Variants in MAGI1 observed in about 807,000 individuals in gnomAD.
The protein encoded by MAGI1 is membrane associated guanylate kinase, WW and PDZ domain containing 1.
Under a neutral mutation model 139.9 loss-of-function variants are expected in MAGI1, and 58 were observed. The ratio of observed to expected loss-of-function variants is 0.41; its 90% confidence interval spans 0.34 to 0.52. MAGI1 has a LOEUF of 0.52. Among genes scored for constraint, MAGI1 ranks in the 20% least tolerant of loss-of-function variants. The probability of loss-of-function intolerance (pLI) is 0.12; values close to 1 mark genes in which losing one functional copy is unlikely to be tolerated. For synonymous variants in MAGI1, 812 were observed against 737.9 expected, an observed-to-expected ratio of 1.10 and a Z score of -1.63; for missense variants, 1,874 against 1,901.6, an observed-to-expected ratio of 0.99 and a Z score of 0.27.
intron 2 of MAGI1, chr3:65,532,911 G>T (rs1315855533): frequency 1.3e-5 from 2 of 152,228 alleles, no homozygotes; most frequent in Admixed American, 6.5e-5. Context: ...AACGTTAGGG[G>T]TGTCGCTGGT....
chr3:66,024,583 G>T (rs1440363021), intron 1 of MAGI1, among the ~76,000 whole-genome samples: 1 of 152,164 alleles, frequency 6.6e-6, no homozygotes, highest in African/African-American at 2.4e-5. Context: ...AAGGTGGGCG[G>T]ATCACCTGAG....
chr3:66,031,822 G>A (rs1320997417), intron 1 of MAGI1, among the ~76,000 whole-genome samples: 3 of 151,142 alleles, frequency 2.0e-5, no homozygotes, highest in Non-Finnish European at 4.4e-5. Context: ...GCAAGAAAAC[G>A]GAGGGAAAGA....
At chr3:65,671,598 C>A (rs1370371811) in intron 1 of MAGI1, among the ~76,000 whole-genome samples, 1 of 152,186 alleles carries the variant, frequency 6.6e-6, no homozygotes, top group African/African-American at 2.4e-5. Flanking sequence ...AGTCTTATCA[C>A]TGATTCAGAG....
rs150977439 is a variant in MAGI1 at position 65,521,699 on chromosome 3, T to C, written c.431-28068A>G. ...GTAATAAATGTTATACTCTTTGCCATACATTAATGAGTCATTTCAGGCCCA... is the reference window on the plus strand; with the variant it reads ...GTAATAAATGTTATACTCTTTGCCACACATTAATGAGTCATTTCAGGCCCA... On this transcript the variant is annotated intron_variant, in intron 2 of 22. Coordinates refer to ENST00000402939, the MANE Select transcript of MAGI1 (RefSeq NM_001033057.2). Among the ~76,000 whole-genome samples the C allele has an allele frequency of 7.2e-3, 1,102 of 152,302 alleles. 8 individuals are homozygous for C. Among genetic ancestry groups the C allele is most frequent in the Non-Finnish European group, 0.011 (755 of 68,020 alleles).
At chr3:66,037,854 T>G in intron 1 of MAGI1, 142 bp downstream of exon 1, 1 of 1,411,730 alleles carries the variant, frequency 7.1e-7, no homozygotes, top group African/African-American at 1.4e-5. Flanking sequence ...ACTTTGTGTA[T>G]TTCACCGCCA....
At position 65,826,717 on chromosome 3, in the gene MAGI1, G is replaced by A. The variant is rs564656575; in HGVS notation, c.314-204629C>T. Among the ~76,000 whole-genome samples, 6 of 152,164 alleles carry A rather than the reference G, an allele frequency of 3.9e-5. No individual in the cohort carries two copies. In the East Asian group the frequency reaches 7.7e-4, roughly 20 times the overall value. ...AAGGGCACTGTATTGAGACATCAAC[G>A]CTTTTGCAATTAGGATATGCTAACC... is the stretch of plus-strand genomic sequence containing the variant. On this transcript the variant is annotated intron_variant, in intron 1 of 22. Transcript: ENST00000402939.
intron 1 of MAGI1, among the ~76,000 whole-genome samples, chr3:65,821,100 G>A (rs542832733): frequency 2.6e-5 from 4 of 151,984 alleles, no homozygotes; most frequent in African/African-American, 9.6e-5. Context: ...GAAGACAGGT[G>A]CATGGGTGCT....
At chr3:65,832,185 T>G (rs1172904973) in intron 1 of MAGI1, among the ~76,000 whole-genome samples, 3 of 152,190 alleles carry the variant, frequency 2.0e-5, no homozygotes, top group Non-Finnish European at 2.9e-5. Context: ...TAAATCACAG[T>G]GCAGATCCAC....
intron 3 of MAGI1, among the ~76,000 whole-genome samples, chr3:65,480,970 C>T (rs1231514758): frequency 6.6e-6 from 1 of 152,058 alleles, no homozygotes; most frequent in African/African-American, 2.4e-5. Context: ...GAGATACACA[C>T]CCACTTTCTT....
intron 2 of MAGI1, among the ~76,000 whole-genome samples, chr3:65,572,704 C>T (rs1002018145): frequency 2.0e-5 from 3 of 151,908 alleles, no homozygotes; most frequent in African/African-American, 7.3e-5. Context: ...CCTTTATTAT[C>T]CTTATTATCC....
intron 2 of MAGI1, among the ~76,000 whole-genome samples, chr3:65,607,282 T>C (rs1003109048): frequency 6.6e-6 from 1 of 151,754 alleles, no homozygotes; most frequent in African/African-American, 2.4e-5. Context: ...TCTCCTGACT[T>C]TCCCCTTCCT....
At chr3:65,458,238 G>A (rs965002758) in intron 5 of MAGI1, among the ~76,000 whole-genome samples, 2 of 151,974 alleles carry the variant, frequency 1.3e-5, no homozygotes, top group Admixed American at 6.5e-5. Flanking sequence ...CATGACTATG[G>A]CGAATAGTCC....
chr3:65,912,118 T>C (rs772445912), intron 1 of MAGI1, among the ~76,000 whole-genome samples: 5 of 151,876 alleles, frequency 3.3e-5, no homozygotes, highest in African/African-American at 1.2e-4. Context: ...ATCTCTCGAG[T>C]CTAGATATGA....
chr3:65,872,848 G>A (rs570758495), intron 1 of MAGI1: 10 of 152,280 alleles, frequency 6.6e-5, no homozygotes, highest in African/African-American at 2.4e-4. Flanking sequence ...TGAAGTTCAT[G>A]AGCAGGCAAA....
chr3:65,984,229 G>A (rs1057095186), intron 1 of MAGI1, among the ~76,000 whole-genome samples: 1 of 152,192 alleles, frequency 6.6e-6, no homozygotes, highest in African/African-American at 2.4e-5. Context: ...AGGAGGCAGA[G>A]GTTGCAGTGA....
chr3:65,864,039 T>C (rs1223403124), intron 1 of MAGI1, among the ~76,000 whole-genome samples: 2 of 152,160 alleles, frequency 1.3e-5, no homozygotes, highest in Non-Finnish European at 2.9e-5. Flanking sequence ...ATTTCTCTTT[T>C]TTATTTGTAA....
chr3:65,374,114 T>C (rs1942267721), intron 18 of MAGI1, among the ~76,000 whole-genome samples: 2 of 152,122 alleles, frequency 1.3e-5, no homozygotes, highest in African/African-American at 4.8e-5. Flanking sequence ...CTTCATAAAC[T>C]AGATTTTTTC....
At chr3:65,810,028 C>G (rs532325021) in intron 1 of MAGI1, among the ~76,000 whole-genome samples, 1 of 151,946 alleles carries the variant, frequency 6.6e-6, no homozygotes, top group African/African-American at 2.4e-5. Flanking sequence ...ACACACTTCT[C>G]TATCATTTTC....
chr3:65,518,191 C>T (rs752844650), intron 2 of MAGI1, among the ~76,000 whole-genome samples: 27 of 152,054 alleles, frequency 1.8e-4, no homozygotes, highest in Non-Finnish European at 2.4e-4. Flanking sequence ...TATCTTAACC[C>T]CAAAGGCTTC....
Sources: allele counts gnomAD v4.1 joint callset (sites outside exome capture counted in the v4.1 genomes callset), GRCh38; gene constraint gnomAD v4.1.1; transcripts MANE v1.5; gene names NCBI Gene and HGNC (gene_info 2026-07-23, HGNC 2026-07-21).